EPS15: variants seen among roughly 807,000 people sequenced by gnomAD.
EPS15 encodes the protein epidermal growth factor receptor substrate 15.
A neutral mutation model predicts 113.8 loss-of-function variants in EPS15; 72 were observed. The ratio of observed to expected loss-of-function variants is 0.63; its 90% CI spans 0.52 to 0.77. The LOEUF is 0.77. Among genes scored for constraint, EPS15 ranks in the 30% least tolerant of loss-of-function variants. EPS15 has a pLI of 0.00. For synonymous variants in EPS15, 344 were observed against 363.4 expected, an observed-to-expected ratio of 0.95 and a Z score of 0.61; for missense variants, 1,048 against 1,045.8, an observed-to-expected ratio of 1.00 and a Z score of -0.03.
intron 23 of EPS15, among the ~76,000 whole-genome samples, chr1:51,362,428 T>G (rs1646408339): frequency 6.6e-6 from 1 of 152,206 alleles, no homozygotes; most frequent in South Asian, 2.1e-4. Context: ...TACAATTACT[T>G]GGATGAAGAT....
Position 51,409,686 on chromosome 1 carries a change from T to C in EPS15, c.1124A>G (p.Asp375Gly). 6.2e-7 allele frequency: 1 copy of C among 1,604,312 alleles called. No individual in the cohort carries two copies. The highest frequency in any genetic ancestry group is 8.5e-7 in the Non-Finnish European group (1 of 1,175,264). ...ATTAGTATTCTCCCTTTGAACTTCATCTTGAAGATCCTAAAATCCAAGAAA... is the reference window on the plus strand; with the variant it reads ...ATTAGTATTCTCCCTTTGAACTTCACCTTGAAGATCCTAAAATCCAAGAAA... ...QRTSEVQDLQ[D>G]EVQRENTNLQ... Residue 375 changes from aspartate (D) to glycine (G), a missense_variant, in exon 14 of 25, where the codon GAT becomes GGT. Coordinates refer to ENST00000371733, the MANE Select transcript of EPS15 (RefSeq NM_001981.3).
intron 23 of EPS15, among the ~76,000 whole-genome samples, chr1:51,362,554 A>G (rs1270313590): frequency 6.6e-6 from 1 of 152,192 alleles, no homozygotes; most frequent in African/African-American, 2.4e-5. Context: ...ACCATTATTT[A>G]TTTTTAAATA....
chr1:51,412,306 C>G (rs760993958), intron 13 of EPS15, among the ~76,000 whole-genome samples: 11 of 152,314 alleles, frequency 7.2e-5, no homozygotes, highest in Non-Finnish European at 1.5e-5. Flanking sequence ...AGCCAACCAC[C>G]ATGGCACATG....
intron 12 of EPS15, among the ~76,000 whole-genome samples, chr1:51,437,995 AAAACCAAGGTTTTTAT>A (rs1652295822): frequency 6.6e-6 from 1 of 152,202 alleles, no homozygotes; most frequent in Admixed American, 6.5e-5. Context: ...CACAAGAATA[AAAACCAAGGTTTTTAT>A]AATGTAATAC....
chr1:51,491,961 G>A (rs1173134041), intron 1 of EPS15, among the ~76,000 whole-genome samples: 2 of 150,914 alleles, frequency 1.3e-5, no homozygotes, highest in South Asian at 2.1e-4. Flanking sequence ...CCACCTCCGG[G>A]GCTCAAGTGA....
At chr1:51,361,627 AATCCCACC>A (rs1440851909) in intron 23 of EPS15, among the ~76,000 whole-genome samples, 1 of 152,208 alleles carries the variant, frequency 6.6e-6, no homozygotes, top group Non-Finnish European at 1.5e-5. Flanking sequence ...CCAAAGACTG[AATCCCACC>A]ATCCCCTAGC....
intron 8 of EPS15, among the ~76,000 whole-genome samples, chr1:51,454,756 C>T (rs756124898): frequency 5.3e-5 from 8 of 152,128 alleles, no homozygotes; most frequent in Admixed American, 3.3e-4. Flanking sequence ...GAAAAACTGG[C>T]GAAACCCAAA....
chr1:51,385,257 G>A lies in EPS15; in HGVS notation c.2119+9124C>T, dbSNP rs1419594040. 2.6e-5 allele frequency among the ~76,000 whole-genome samples: 4 copies of A among 152,056 alleles called. No homozygotes were observed. In the East Asian group the frequency reaches 7.7e-4, roughly 29 times the overall value. On this transcript the variant is annotated intron_variant, in intron 21 of 24. Transcript: ENST00000371733. ...CAACCTGATTTAGAAATGGGCAGAG[G>A]ACTTGAATAGGTATTTCTCCATAGA... is the stretch of plus-strand genomic sequence containing the variant.
chr1:51,415,695 C>G (rs895686368), intron 13 of EPS15, among the ~76,000 whole-genome samples: 1 of 143,032 alleles, frequency 7.0e-6, no homozygotes, highest in African/African-American at 2.6e-5. Context: ...ACTTGGGAGG[C>G]TGAGGCAGGA....
At chr1:51,436,556 A>C (rs1478226548) in intron 12 of EPS15, among the ~76,000 whole-genome samples, 1 of 152,196 alleles carries the variant, frequency 6.6e-6, no homozygotes, top group Non-Finnish European at 1.5e-5. Context: ...AAGAATGATA[A>C]GTGTTATAAC....
At chr1:51,485,348 T>C (rs985973464) in intron 1 of EPS15, among the ~76,000 whole-genome samples, 1 of 152,204 alleles carries the variant, frequency 6.6e-6, no homozygotes, top group Non-Finnish European at 1.5e-5. Flanking sequence ...CCAATCAATG[T>C]CTCAATAGTG....
chr1:51,517,522 T>C (rs557775619), intron 1 of EPS15, among the ~76,000 whole-genome samples: 138 of 152,250 alleles, frequency 9.1e-4, no homozygotes, highest in African/African-American at 3.0e-3. Context: ...GAGCACAAAA[T>C]CTTCAAGGGA....
chr1:51,397,775 C>T (rs1285039641), intron 20 of EPS15, among the ~76,000 whole-genome samples: 9 of 152,170 alleles, frequency 5.9e-5, no homozygotes, highest in Admixed American at 5.2e-4. Context: ...TAATCAATTA[C>T]ATTTTAAAGG....
intron 1 of EPS15, among the ~76,000 whole-genome samples, chr1:51,503,722 A>T (rs1644451915): frequency 6.6e-6 from 1 of 152,200 alleles, no homozygotes; most frequent in Non-Finnish European, 1.5e-5. Flanking sequence ...AATACTCAAG[A>T]CAGTGTTGTA....
intron 1 of EPS15, among the ~76,000 whole-genome samples, chr1:51,497,969 C>G (rs1393371631): frequency 1.3e-5 from 2 of 148,606 alleles, no homozygotes; most frequent in East Asian, 3.9e-4. Flanking sequence ...GAGCAAGACC[C>G]CGTCTCAAAA....
At chr1:51,399,491 G>T (rs1054273013) in intron 19 of EPS15, among the ~76,000 whole-genome samples, 3 of 151,784 alleles carry the variant, frequency 2.0e-5, no homozygotes, top group Non-Finnish European at 4.4e-5. Context: ...GGCAGAGGCT[G>T]CAGTGAGCAA....
At chr1:51,439,187 C>G (rs1246952716) in intron 12 of EPS15, among the ~76,000 whole-genome samples, 1 of 152,056 alleles carries the variant, frequency 6.6e-6, no homozygotes, top group East Asian at 1.9e-4. Flanking sequence ...CTGATTATAT[C>G]ATCTGAGCCT....
chr1:51,360,539 G>A (rs1161132448), intron 24 of EPS15, among the ~76,000 whole-genome samples: 11 of 152,074 alleles, frequency 7.2e-5, no homozygotes. Context: ...CTGAAAGAAC[G>A]CAGAGTAAAC....
At chr1:51,373,946 C>T (rs893433245) in intron 21 of EPS15, among the ~76,000 whole-genome samples, 6 of 151,886 alleles carry the variant, frequency 4.0e-5, no homozygotes, top group African/African-American at 7.3e-5. Flanking sequence ...AGCAAGACTC[C>T]GTCTCCAAAA....
Sources: allele counts gnomAD v4.1 joint callset (sites outside exome capture counted in the v4.1 genomes callset), GRCh38; gene constraint gnomAD v4.1.1; transcripts MANE v1.5; gene names NCBI Gene and HGNC (gene_info 2026-07-23, HGNC 2026-07-21).